The following GRAMD4 variants were observed in gnomAD, a reference collection of about 807,000 sequenced individuals.
GRAMD4 encodes GRAM domain-containing protein 4.
Under a neutral mutation model 83.9 loss-of-function variants are expected in GRAMD4, and 25 were observed. The ratio of observed to expected loss-of-function variants is 0.30; its 90% confidence interval spans 0.22 to 0.42. GRAMD4 has a LOEUF of 0.42. GRAMD4 is among the 10% of genes least tolerant of loss of function. The pLI, the probability that GRAMD4 is intolerant of heterozygous loss-of-function variation, is 1.00. For missense variants in GRAMD4, 593 were observed against 788.7 expected, an observed-to-expected ratio of 0.75 and a Z score of 2.97; for synonymous variants, 336 against 320.9, an observed-to-expected ratio of 1.05 and a Z score of -0.50.
chr22:46,633,518 T>C (rs1274003714), intron 2 of GRAMD4, among the ~76,000 whole-genome samples: 1 of 152,198 alleles, frequency 6.6e-6, no homozygotes, highest in African/African-American at 2.4e-5. Context: ...CAGGGGCTCC[T>C]GATGAAGGCT....
intron 1 of GRAMD4, among the ~76,000 whole-genome samples, chr22:46,596,388 A>G (rs754013808): frequency 2.6e-5 from 4 of 152,246 alleles, no homozygotes; most frequent in Non-Finnish European, 5.9e-5. Context: ...CCATCTGGCC[A>G]CAGTCCCGAA....
At chr22:46,648,999 A>C (rs2082127156) in intron 3 of GRAMD4, among the ~76,000 whole-genome samples, 1 of 151,136 alleles carries the variant, frequency 6.6e-6, no homozygotes, top group Non-Finnish European at 1.5e-5. Context: ...TAGACAAATG[A>C]ACCAATAGGC....
chr22:46,648,411 A>C (rs1243479001), intron 3 of GRAMD4, among the ~76,000 whole-genome samples: 1 of 131,574 alleles, frequency 7.6e-6, no homozygotes, highest in East Asian at 2.6e-4. Context: ...AGGGATGGGT[A>C]GATGGATGGG....
At position 46,668,888 on chromosome 22, in the gene GRAMD4, G is replaced by A. The variant is rs745727242; in HGVS notation, c.1064G>A (p.Arg355His). 25 of 1,604,708 alleles carry A rather than the reference G, an allele frequency of 1.6e-5. No homozygotes were observed. Among genetic ancestry groups the A allele is most frequent in the African/African-American group, 9.4e-5 (7 of 74,788 alleles). The change falls in exon 13 of 19, where the codon CGC becomes CAC. Residue 355 changes from arginine (R) to histidine (H), a missense_variant. Arg to His is a conservative substitution (Grantham distance 29). This residue lies in a region of GRAMD4 where 171 missense variants were observed against 199.6 expected (regional missense o/e 0.86). Transcript: ENST00000406902. Reference protein sequence around the residue: ...AFLASCFFPYRLVGLAVGLYA... With the variant: ...AFLASCFFPYHLVGLAVGLYA... ...CTGGCCTCCTGCTTCTTCCCCTACCGCCTGGTGGGGCTTGCCGTGGGTAAG... is the reference window on the plus strand; with the variant it reads ...CTGGCCTCCTGCTTCTTCCCCTACCACCTGGTGGGGCTTGCCGTGGGTAAG...
intron 2 of GRAMD4, among the ~76,000 whole-genome samples, chr22:46,629,069 C>G (rs1431090079): frequency 1.3e-5 from 2 of 152,008 alleles, no homozygotes; most frequent in South Asian, 4.1e-4. Context: ...TGGGGCCCCC[C>G]TTCCTCGAGG....
At chr22:46,578,109 G>A (rs1421374589) in intron 1 of GRAMD4, among the ~76,000 whole-genome samples, 1 of 152,208 alleles carries the variant, frequency 6.6e-6, no homozygotes, top group African/African-American at 2.4e-5. Flanking sequence ...CCACTTTTTC[G>A]GCTATTGTCA....
chr22:46,634,307 G>T (rs991759355), intron 2 of GRAMD4, among the ~76,000 whole-genome samples: 1 of 152,208 alleles, frequency 6.6e-6, no homozygotes, highest in Admixed American at 6.5e-5. Flanking sequence ...GGGCAGGGTG[G>T]CTAGGTTTGA....
chr22:46,672,032 G>GA lies in GRAMD4; in HGVS notation c.1085-811_1085-810insA, dbSNP rs1209922098. Among the ~76,000 whole-genome samples the GA allele has an allele frequency of 9.3e-4, 141 of 152,352 alleles. 1 individual carries two copies. The highest frequency in any genetic ancestry group is 4.6e-4 in the Non-Finnish European group (31 of 68,032). The stretch of plus-strand genomic sequence containing the variant: ...CCTGCCACGTCTGGTCTGGTCTGGC[G>GA]GGCTGTGCACTGGGGGCAGCGAGAC... On this transcript the variant is annotated intron_variant, in intron 13 of 18. Coordinates refer to ENST00000406902, the MANE Select transcript of GRAMD4 (RefSeq NM_015124.5). This position sits in a 1 kb window ranked among gnomAD's most constrained non-coding sequence, Gnocchi z 4.7.
chr22:46,661,676 A>G (rs2076710), intron 5 of GRAMD4, among the ~76,000 whole-genome samples: 71,497 of 152,140 alleles, frequency 0.47, 17,409 homozygotes, highest in African/African-American at 0.57. Flanking sequence ...AGTCGTCATC[A>G]CAAATTTCCA....
chr22:46,586,192 C>G (rs960221372), intron 1 of GRAMD4, among the ~76,000 whole-genome samples: 37 of 152,084 alleles, frequency 2.4e-4, no homozygotes, highest in African/African-American at 8.2e-4. Flanking sequence ...GGGGGTGGCC[C>G]ACTCACCTGC....
intron 1 of GRAMD4, among the ~76,000 whole-genome samples, chr22:46,578,644 C>A (rs1292208546): frequency 6.6e-6 from 1 of 152,150 alleles, no homozygotes; most frequent in African/African-American, 2.4e-5. Flanking sequence ...ACAGTCTGGC[C>A]AGGGTGTGTG....
intron 3 of GRAMD4, among the ~76,000 whole-genome samples, chr22:46,645,337 A>C (rs964867109): frequency 3.9e-5 from 6 of 152,174 alleles, no homozygotes; most frequent in Admixed American, 6.5e-5. Flanking sequence ...GGGGACCCAC[A>C]GACATATTCT....
chr22:46,588,125 C>G (rs1182115418), intron 1 of GRAMD4, among the ~76,000 whole-genome samples: 3 of 152,060 alleles, frequency 2.0e-5, no homozygotes, highest in South Asian at 2.1e-4. Flanking sequence ...CAGAGTCTCT[C>G]TCTAAACCGG....
intron 1 of GRAMD4, among the ~76,000 whole-genome samples, chr22:46,601,689 G>A (rs1050436538): frequency 4.6e-5 from 7 of 152,110 alleles, no homozygotes; most frequent in Admixed American, 6.6e-5. Context: ...CCAGCCACTC[G>A]GGAGGCTGAG....
At chr22:46,595,791 G>A (rs1205866717) in intron 1 of GRAMD4, among the ~76,000 whole-genome samples, 1 of 152,240 alleles carries the variant, frequency 6.6e-6, no homozygotes, top group East Asian at 1.9e-4. Context: ...ATGGGCAGGT[G>A]AGCACCCCAT....
intron 1 of GRAMD4, among the ~76,000 whole-genome samples, chr22:46,603,395 G>C (rs1327436209): frequency 1.3e-5 from 2 of 150,642 alleles, no homozygotes; most frequent in Non-Finnish European, 3.0e-5. Flanking sequence ...ATTTTTAGTA[G>C]AGACGCGGTT....
chr22:46,658,369 G>A (rs1373039940), intron 4 of GRAMD4, 62 bp downstream of exon 4: 10 of 822,506 alleles, frequency 1.2e-5, no homozygotes, highest in African/African-American at 1.1e-4. Context: ...CACCCCACCC[G>A]CCCCGCCGTC....
Position 46,678,398 on chromosome 22 carries a change from C to G in GRAMD4, c.*1147C>G. Reference sequence around the variant, plus strand: ...GGTGCCGGTCCGGGCACAGACCCCCCCAGCCCCCGCCCTGCCCCAGGGAAG... The same window carrying G: ...GGTGCCGGTCCGGGCACAGACCCCCGCAGCCCCCGCCCTGCCCCAGGGAAG... On this transcript the variant is annotated 3_prime_UTR_variant, in exon 19 of 19. Transcript: ENST00000406902. The G allele has an allele frequency of 2.0e-6, 2 of 984,716 alleles. No homozygotes were observed. The highest frequency in any genetic ancestry group is 9.4e-5 in the South Asian group (2 of 21,282). The allele number at this position is 984,716 out of a possible 1,614,324, so 61.0% of individuals were successfully genotyped here. A position where few individuals can be genotyped will look rare whatever the true frequency, so the allele number is the denominator to read the frequency against.
intron 2 of GRAMD4, among the ~76,000 whole-genome samples, chr22:46,637,477 G>A (rs2081907835): frequency 6.6e-6 from 1 of 152,182 alleles, no homozygotes; most frequent in East Asian, 1.9e-4. Context: ...TCCTGACCTC[G>A]ATCCACCTGC....
Sources: allele counts gnomAD v4.1 joint callset (sites outside exome capture counted in the v4.1 genomes callset), GRCh38; gene constraint gnomAD v4.1.1; regional missense constraint gnomAD v4.1.1; non-coding constraint Gnocchi (gnomAD v3.1); transcripts MANE v1.5; gene names NCBI Gene and HGNC (gene_info 2026-07-23, HGNC 2026-07-21).